The following PLCH1 variants were observed in gnomAD, a reference collection of about 807,000 sequenced individuals.
PLCH1 encodes the protein 1-phosphatidylinositol 4,5-bisphosphate phosphodiesterase eta-1.
Under a neutral mutation model 126.7 loss-of-function variants are expected in PLCH1, and 60 were observed. That is an observed-to-expected ratio of 0.47 (90% CI 0.38 to 0.59). The LOEUF (loss-of-function observed/expected upper bound fraction) is 0.59, where lower values mean the gene tolerates loss of function less well. PLCH1 is among the 20% of genes least tolerant of loss of function. The probability of loss-of-function intolerance (pLI) is 0.00; values close to 1 mark genes in which losing one functional copy is unlikely to be tolerated. For synonymous variants in PLCH1, 719 were observed against 734.9 expected, an observed-to-expected ratio of 0.98 and a Z score of 0.35; for missense variants, 1,723 against 2,040.0, an observed-to-expected ratio of 0.84 and a Z score of 2.99.
chr3:155,698,789 C>A (rs956654028), intron 2 of PLCH1, among the ~76,000 whole-genome samples: 1 of 152,158 alleles, frequency 6.6e-6, no homozygotes, highest in African/African-American at 2.4e-5. Flanking sequence ...CTGCAAGATA[C>A]ACCTGAACAT....
At chr3:155,552,237 G>C (rs1726243721) in intron 9 of PLCH1, among the ~76,000 whole-genome samples, 1 of 152,016 alleles carries the variant, frequency 6.6e-6, no homozygotes, top group Admixed American at 6.6e-5. Flanking sequence ...ATCCTTTCTT[G>C]AATAGCTGGT....
chr3:155,634,460 A>G (rs1202272077), intron 2 of PLCH1, among the ~76,000 whole-genome samples: 1 of 152,106 alleles, frequency 6.6e-6, no homozygotes, highest in Non-Finnish European at 1.5e-5. Context: ...GGTGAGTGGG[A>G]CTGAAACCAT....
At chr3:155,689,451 ATTCTGGAGAAACAGAGATATATGACCT>A (rs1048623426) in intron 2 of PLCH1, among the ~76,000 whole-genome samples, 2 of 152,124 alleles carry the variant, frequency 1.3e-5, no homozygotes, top group African/African-American at 4.8e-5. Flanking sequence ...CCAGGGACCA[ATTCTGGAGAAACAGAGATATATGACCT>A]TTCACATAGA....
intron 2 of PLCH1, among the ~76,000 whole-genome samples, chr3:155,667,454 G>C (rs938177751): frequency 6.6e-5 from 10 of 151,912 alleles, no homozygotes; most frequent in Admixed American, 5.9e-4. Flanking sequence ...TAAATTGAAG[G>C]GAATGTAACC....
At position 155,481,157 on chromosome 3, in the gene PLCH1, G is replaced by A. The variant is rs201236953; in HGVS notation, c.4869C>T (p.Thr1623=). The A allele has an allele frequency of 5.0e-5, 80 of 1,614,110 alleles. No homozygotes were observed. Among genetic ancestry groups the A allele is most frequent in the East Asian group, 6.7e-5 (3 of 44,890 alleles). ...APTPAVNRHS[T]GSYIAGYLKN... The stretch of plus-strand genomic sequence containing the variant: ...TCAGGTAGCCTGCGATGTAGGAGCC[G>A]GTGGAGTGGCGATTCACTGCAGGGG... The change falls in exon 23 of 23, where the codon ACC becomes ACT. Residue 1623 remains threonine, a synonymous_variant. Transcript: ENST00000460012. This position sits in a 1 kb window ranked among gnomAD's most constrained non-coding sequence, Gnocchi z 4.2.
chr3:155,699,575 G>C (rs1420897616), intron 2 of PLCH1, among the ~76,000 whole-genome samples: 1 of 152,144 alleles, frequency 6.6e-6, no homozygotes, highest in Non-Finnish European at 1.5e-5. Flanking sequence ...AAGCAGGCAG[G>C]CTGCCAAAGT....
chr3:155,739,107 A>G (rs1186290936), intron 1 of PLCH1, among the ~76,000 whole-genome samples: 1 of 152,196 alleles, frequency 6.6e-6, no homozygotes, highest in Non-Finnish European at 1.5e-5. Flanking sequence ...AGCCAGTTGC[A>G]ACTTCCCAGT....
At chr3:155,666,401 C>A (rs957799599) in intron 2 of PLCH1, among the ~76,000 whole-genome samples, 4 of 152,058 alleles carry the variant, frequency 2.6e-5, no homozygotes, top group Non-Finnish European at 5.9e-5. Context: ...GTTTTTAGTT[C>A]TCTTCTTTGT....
chr3:155,589,057 T>A (rs1313239609), intron 4 of PLCH1, among the ~76,000 whole-genome samples: 1 of 152,126 alleles, frequency 6.6e-6, no homozygotes, highest in East Asian at 1.9e-4. Flanking sequence ...ATAATAATTT[T>A]AAAAAGAGAA....
intron 2 of PLCH1, among the ~76,000 whole-genome samples, chr3:155,701,007 A>G (rs927168071): frequency 3.3e-5 from 5 of 152,226 alleles, no homozygotes; most frequent in African/African-American, 1.2e-4. Flanking sequence ...AAATCCAGGC[A>G]AAAGACAGAC....
chr3:155,463,507 T>C (rs560336334), intron 21 of PLCH1, among the ~76,000 whole-genome samples: 1 of 151,264 alleles, frequency 6.6e-6, no homozygotes, highest in Admixed American at 6.6e-5. Context: ...AACGTAGGAG[T>C]TGGAATAACC....
chr3:155,627,676 G>A (rs1737489151), intron 2 of PLCH1, among the ~76,000 whole-genome samples: 1 of 151,074 alleles, frequency 6.6e-6, no homozygotes, highest in South Asian at 2.1e-4. Flanking sequence ...ATGTCCATGG[G>A]GCTCAATTAA....
In PLCH1 at chr3:155,494,475, T is replaced by G. The variant is rs1296433267; in HGVS notation, c.1937A>C (p.His646Pro). The change falls in exon 16 of 23, where the codon CAT becomes CCT. Residue 646 changes from histidine (H) to proline (P), a missense_variant. By Grantham distance (77) the His-to-Pro change is moderately conservative. This residue lies in a region of PLCH1 where 776 missense variants were observed against 1,062.9 expected (regional missense o/e 0.73). Transcript: ENST00000460012. ...CTCTGATTTTTGCTGAACAACCTGA[T>G]GTGCTCTTGTTTCACTGAATGATAA... Reference protein sequence around the residue: ...NVLSFSETRAHQVVQQKSEQF... With the variant: ...NVLSFSETRAPQVVQQKSEQF... 6.2e-7 allele frequency: 1 copy of G among 1,614,042 alleles called. No individual in the cohort carries two copies. The highest frequency in any genetic ancestry group is 8.5e-7 in the Non-Finnish European group (1 of 1,179,986).
intron 2 of PLCH1, among the ~76,000 whole-genome samples, chr3:155,656,258 C>G (rs1741354033): frequency 6.6e-6 from 1 of 151,720 alleles, no homozygotes; most frequent in Non-Finnish European, 1.5e-5. Flanking sequence ...AAGGATAGAT[C>G]ATCCTTATGC....
intron 10 of PLCH1, among the ~76,000 whole-genome samples, chr3:155,542,332 G>A (rs1287194209): frequency 2.0e-5 from 3 of 152,252 alleles, no homozygotes; most frequent in Non-Finnish European, 2.9e-5. Context: ...GAGGCTGGGG[G>A]AGGGGAGCCC....
At chr3:155,475,245 T>C (rs984117391), downstream of PLCH1, among the ~76,000 whole-genome samples, 4 of 151,756 alleles carry the variant, frequency 2.6e-5, no homozygotes, top group Non-Finnish European at 5.9e-5. Flanking sequence ...AAGAAGAAAA[T>C]TTTAAAATTT....
chr3:155,557,401 T>C (rs1167829009), intron 8 of PLCH1, among the ~76,000 whole-genome samples: 1 of 152,244 alleles, frequency 6.6e-6, no homozygotes, highest in Non-Finnish European at 1.5e-5. Flanking sequence ...GACTTGCTTA[T>C]GGTGTCTACA....
At chr3:155,561,127 T>A (rs1356350836) in intron 8 of PLCH1, among the ~76,000 whole-genome samples, 1 of 151,970 alleles carries the variant, frequency 6.6e-6, no homozygotes, top group African/African-American at 2.4e-5. Context: ...TTTTTTTTAA[T>A]TATTATTTCT....
intron 1 of PLCH1, among the ~76,000 whole-genome samples, chr3:155,722,955 C>T (rs540098179): frequency 4.5e-4 from 68 of 152,218 alleles, no homozygotes; most frequent in Middle Eastern, 3.4e-3. Flanking sequence ...TGGTCCTGGA[C>T]TTTTCTTGTT....
Sources: allele counts gnomAD v4.1 joint callset (sites outside exome capture counted in the v4.1 genomes callset), GRCh38; gene constraint gnomAD v4.1.1; regional missense constraint gnomAD v4.1.1; non-coding constraint Gnocchi (gnomAD v3.1); transcripts MANE v1.5; gene names NCBI Gene and HGNC (gene_info 2026-07-23, HGNC 2026-07-21).